The following SYNE3 variants were observed in gnomAD, a reference collection of about 807,000 sequenced individuals.
SYNE3 encodes spectrin repeat containing nuclear envelope family member 3, also known as nesprin-3.
In SYNE3, 100 loss-of-function variants were observed where a neutral mutation model predicts 111.2. The observed-to-expected ratio is 0.90, with a 90% CI of 0.77 to 1.06. The LOEUF (loss-of-function observed/expected upper bound fraction) is 1.06. Ranked by LOEUF, SYNE3 falls within the 50% of genes least tolerant of loss-of-function variation. SYNE3 has a pLI of 0.00. For synonymous variants in SYNE3, 547 were observed against 533.9 expected (o/e 1.02, Z -0.34); for missense variants, 1,160 against 1,240.3 (o/e 0.94, Z 0.97).
chr14:95,427,582 T>G (rs1468611825), intron 17 of SYNE3, among the ~76,000 whole-genome samples: 2 of 152,124 alleles, frequency 1.3e-5, no homozygotes. Flanking sequence ...TCTCTCCCTC[T>G]CTCTCCCTCT....
In SYNE3 at chr14:95,485,446, C is replaced by A. The variant is rs532466147; in HGVS notation, c.-14-9611G>T. On this transcript the variant is annotated intron_variant, in intron 1 of 17. Coordinates refer to ENST00000682763, the MANE Select transcript of SYNE3 (RefSeq NM_152592.6). This position sits in a 1 kb window ranked among gnomAD's most constrained non-coding sequence, Gnocchi z 4.3. ...ACTTGAGAGTGAGAACGCACACATT[C>A]CTCAGATGCCCTGAAGGTAAACTGA... Among the ~76,000 whole-genome samples, 3 of 152,252 alleles carry A rather than the reference C, an allele frequency of 2.0e-5. No individual in the cohort carries two copies. The South Asian group carries it at 6.2e-4, about 32-fold the overall frequency.
chr14:95,485,152 G>A lies in SYNE3; in HGVS notation c.-14-9317C>T, dbSNP rs77674653. ...GTGTATTTGGCAAATTCATCCACAC[G>A]GTGGGAGGGCGGTTGGGGCTGGGTC... On this transcript the variant is annotated intron_variant, in intron 1 of 17. Transcript: ENST00000682763. The surrounding 1 kb of genome is among the most constrained non-coding windows in gnomAD (Gnocchi z 4.3). Among the ~76,000 whole-genome samples, 10,383 of 152,260 alleles carry A rather than the reference G, an allele frequency of 0.068. 610 individuals carry two copies. The highest frequency in any genetic ancestry group is 0.19 in the Admixed American group (2,982 of 15,300).
intron 17 of SYNE3, among the ~76,000 whole-genome samples, chr14:95,430,936 G>A (rs1474905037): frequency 2.0e-5 from 3 of 152,126 alleles, no homozygotes; most frequent in Non-Finnish European, 4.4e-5. Flanking sequence ...GCCCAGCCTT[G>A]ATTTTGTGAC....
chr14:95,463,393 CA>C (rs1887963162), intron 4 of SYNE3, among the ~76,000 whole-genome samples: 1 of 152,232 alleles, frequency 6.6e-6, no homozygotes, highest in Admixed American at 6.5e-5. Context: ...AGCACCCCAG[CA>C]TCCACCCTCA....
intron 1 of SYNE3, among the ~76,000 whole-genome samples, chr14:95,477,610 G>A (rs1856899286): frequency 6.6e-6 from 1 of 152,224 alleles, no homozygotes; most frequent in Admixed American, 6.5e-5. Context: ...AGGAGAAAAT[G>A]GAAGAGGCCA....
At chr14:95,461,411 T>C (rs1013180690) in intron 4 of SYNE3, among the ~76,000 whole-genome samples, 6 of 152,128 alleles carry the variant, frequency 3.9e-5, no homozygotes, top group African/African-American at 1.4e-4. Context: ...TGTCTACATT[T>C]CACTTGCAAA....
At chr14:95,438,841 A>T in intron 14 of SYNE3, 192 bp downstream of exon 14, 1 of 705,574 alleles carries the variant, frequency 1.4e-6, no homozygotes, top group Non-Finnish European at 2.3e-6. Context: ...GGGATCTCTG[A>T]GGTCCTCTGT....
chr14:95,478,790 C>G (rs1375932639), intron 1 of SYNE3, among the ~76,000 whole-genome samples: 1 of 152,212 alleles, frequency 6.6e-6, no homozygotes, highest in Non-Finnish European at 1.5e-5. Context: ...TCTTAGCTCA[C>G]TGGCTAGACA....
chr14:95,461,925 G>A (rs1402252128), intron 4 of SYNE3, among the ~76,000 whole-genome samples: 4 of 152,216 alleles, frequency 2.6e-5, no homozygotes, highest in Non-Finnish European at 5.9e-5. Flanking sequence ...TTCCCCCTTT[G>A]TCTGGGGCTG....
At chr14:95,477,904 T>C (rs1416168126) in intron 1 of SYNE3, among the ~76,000 whole-genome samples, 1 of 152,196 alleles carries the variant, frequency 6.6e-6, no homozygotes, top group African/African-American at 2.4e-5. Context: ...AAAACTCAGC[T>C]TTTATTTTTA....
chr14:95,452,328 T>C lies in SYNE3; in HGVS notation c.1193A>G (p.Gln398Arg), dbSNP rs1318721552. ...EEPRVDRLQA[Q>R]LKELIVFPHN... ...AGGGAAGACGATGAGCTCCTTCAGC[T>C]GGGCTTGCAGCCGGTCCACCCGGGG... Residue 398 changes from glutamine (Q) to arginine (R), a missense_variant, in exon 7 of 18, where the codon CAG becomes CGG. Transcript: ENST00000682763. 6.2e-7 allele frequency: 1 copy of C among 1,613,966 alleles called. No homozygotes were observed. The highest frequency in any genetic ancestry group is 1.7e-5 in the Admixed American group (1 of 60,000).
Position 95,512,227 on chromosome 14 carries a change from C to A in SYNE3, c.-15+4369G>T, listed in dbSNP as rs139337385. ...AATTTTTTGCTTTATTTTTTAAATC[C>A]AGCCAGATTAACATTGGAATCTGAG... On this transcript the variant is annotated intron_variant, in intron 1 of 17. Transcript: ENST00000682763. 6.6e-5 allele frequency among the ~76,000 whole-genome samples: 10 copies of A among 152,118 alleles called. No individual in the cohort carries two copies. In the East Asian group the frequency reaches 1.9e-3, roughly 29 times the overall value.
At chr14:95,476,185 C>T (rs1888880256) in intron 1 of SYNE3, among the ~76,000 whole-genome samples, 1 of 152,230 alleles carries the variant, frequency 6.6e-6, no homozygotes, top group South Asian at 2.1e-4. Context: ...TCAAAACCTG[C>T]AGTCCGAAAC....
intron 1 of SYNE3, among the ~76,000 whole-genome samples, chr14:95,489,457 T>G (rs1889729731): frequency 6.6e-6 from 1 of 152,258 alleles, no homozygotes; most frequent in Non-Finnish European, 1.5e-5. Context: ...GAACATAAAC[T>G]GCCTCTGGGC....
intron 1 of SYNE3, among the ~76,000 whole-genome samples, chr14:95,509,723 C>A (rs1357732717): frequency 6.6e-6 from 1 of 152,250 alleles, no homozygotes; most frequent in Non-Finnish European, 1.5e-5. Context: ...TCAAATAAAA[C>A]TGTTGGCTTA....
At chr14:95,488,020 C>G (rs1889635594) in intron 1 of SYNE3, among the ~76,000 whole-genome samples, 1 of 152,100 alleles carries the variant, frequency 6.6e-6, no homozygotes, top group Non-Finnish European at 1.5e-5. Context: ...TACATTTTCT[C>G]TTTCTTATGA....
intron 4 of SYNE3, among the ~76,000 whole-genome samples, chr14:95,461,308 G>A (rs925801859): frequency 1.3e-5 from 2 of 152,222 alleles, no homozygotes; most frequent in East Asian, 1.9e-4. Flanking sequence ...GGGAAGCAGC[G>A]GGGGTGAGGA....
chr14:95,442,723 T>C (rs1194267890), intron 11 of SYNE3, among the ~76,000 whole-genome samples: 1 of 152,240 alleles, frequency 6.6e-6, no homozygotes, highest in Non-Finnish European at 1.5e-5. Flanking sequence ...TGAAGCTCTG[T>C]GGCCTCCAGG....
intron 1 of SYNE3, among the ~76,000 whole-genome samples, chr14:95,512,081 A>G (rs1264234171): frequency 1.3e-5 from 2 of 152,170 alleles, no homozygotes; most frequent in Non-Finnish European, 2.9e-5. Flanking sequence ...GAGGTCATAG[A>G]GTGTTATTAT....
Sources: allele counts gnomAD v4.1 joint callset (sites outside exome capture counted in the v4.1 genomes callset), GRCh38; gene constraint gnomAD v4.1.1; non-coding constraint Gnocchi (gnomAD v3.1); transcripts MANE v1.5; gene names NCBI Gene and HGNC (gene_info 2026-07-23, HGNC 2026-07-21).